CSMD1: variants seen among roughly 807,000 people sequenced by gnomAD.
The protein encoded by CSMD1 is CUB and sushi domain-containing protein 1.
Under a neutral mutation model 417.5 loss-of-function variants are expected in CSMD1, and 213 were observed. The observed-to-expected ratio is 0.51, with a 90% CI of 0.46 to 0.57. The LOEUF (loss-of-function observed/expected upper bound fraction) is 0.57. CSMD1 is among the 20% of genes least tolerant of loss of function. The pLI is 0.00. For missense variants in CSMD1, 6,923 were observed against 4,529.7 expected (o/e 1.53, Z -15.17); for synonymous variants, 2,862 against 1,736.8 (o/e 1.65, Z -16.11).
intron 3 of CSMD1, among the ~76,000 whole-genome samples, chr8:4,245,606 C>G (rs778985739): frequency 1.3e-5 from 2 of 152,160 alleles, no homozygotes; most frequent in Non-Finnish European, 2.9e-5. Context: ...ACAGGTTCCT[C>G]TGGTCAACAA....
chr8:3,870,380 C>T (rs1805399518), intron 5 of CSMD1, among the ~76,000 whole-genome samples: 1 of 152,060 alleles, frequency 6.6e-6, no homozygotes, highest in African/African-American at 2.4e-5. Flanking sequence ...ATGGATACCT[C>T]TTTTTTCCCC....
chr8:3,120,709 G>GA (rs1554431392), intron 41 of CSMD1, among the ~76,000 whole-genome samples: 2 of 150,462 alleles, frequency 1.3e-5, no homozygotes, highest in African/African-American at 2.4e-5. Flanking sequence ...TAGCCAGGGG[G>GA]GGTGACCGGC....
intron 4 of CSMD1, among the ~76,000 whole-genome samples, chr8:4,028,467 C>T (rs924054727): frequency 6.6e-6 from 1 of 151,638 alleles, no homozygotes; most frequent in Non-Finnish European, 1.5e-5. Context: ...ACAATAAACA[C>T]CAAGCAGATC....
chr8:4,173,374 G>A lies in CSMD1; in HGVS notation c.416-141275C>T, dbSNP rs575228363. ...TATGTGGTGATGCTGAACAGAAGAT[G>A]AGACAGAGGCATAAAGAGAAGTTTG... is the stretch of plus-strand genomic sequence containing the variant. On this transcript the variant is annotated intron_variant, in intron 3 of 69. Coordinates refer to ENST00000635120, the MANE Select transcript of CSMD1 (RefSeq NM_033225.6). Among the ~76,000 whole-genome samples, 8 of 152,260 alleles carry A rather than the reference G, an allele frequency of 5.3e-5. No individual in the cohort carries two copies. The South Asian group carries it at 1.4e-3, about 28-fold the overall frequency.
intron 3 of CSMD1, among the ~76,000 whole-genome samples, chr8:4,096,694 G>A (rs7816895): frequency 0.22 from 34,019 of 152,130 alleles, 4,728 homozygotes; most frequent in African/African-American, 0.39. Context: ...CTTTCCAAAA[G>A]CGTCACTCAC....
intron 1 of CSMD1, among the ~76,000 whole-genome samples, chr8:4,725,698 G>T (rs978543209): frequency 1.3e-5 from 2 of 152,158 alleles, no homozygotes; most frequent in Admixed American, 6.6e-5. Context: ...GCATCTTGAA[G>T]AAAATCCCCA....
intron 7 of CSMD1, among the ~76,000 whole-genome samples, chr8:3,644,843 C>A (rs962343411): frequency 1.3e-4 from 20 of 151,914 alleles, no homozygotes; most frequent in African/African-American, 4.4e-4. Context: ...GATGTGGTAA[C>A]CTTCGTTTCC....
intron 2 of CSMD1, among the ~76,000 whole-genome samples, chr8:4,531,583 G>T (rs1250632179): frequency 6.6e-6 from 1 of 152,132 alleles, no homozygotes; most frequent in Non-Finnish European, 1.5e-5. Flanking sequence ...GTAAAGTCCT[G>T]TATAAGTGTA....
At chr8:3,577,267 T>C (rs898008094) in intron 9 of CSMD1, among the ~76,000 whole-genome samples, 1 of 152,166 alleles carries the variant, frequency 6.6e-6, no homozygotes, top group Non-Finnish European at 1.5e-5. Flanking sequence ...GAAGTAACTT[T>C]TAATAAAATA....
At chr8:3,727,416 T>C (rs1433374880) in intron 6 of CSMD1, among the ~76,000 whole-genome samples, 1 of 152,170 alleles carries the variant, frequency 6.6e-6, no homozygotes, top group East Asian at 1.9e-4. Flanking sequence ...TCAGCTCAGA[T>C]GGGCTTTTCC....
In CSMD1 at chr8:4,880,718, T is replaced by G. The variant is rs562397067; in HGVS notation, c.85+113614A>C. ...TCTGCCCATCGCATAATCATAAATATCCCACGTGTCCATGATAAGATGAGT... is the reference window on the plus strand; with the variant it reads ...TCTGCCCATCGCATAATCATAAATAGCCCACGTGTCCATGATAAGATGAGT... On this transcript the variant is annotated intron_variant, in intron 1 of 69. Transcript: ENST00000635120. Among the ~76,000 whole-genome samples, 20 of 152,166 alleles carry G rather than the reference T, an allele frequency of 1.3e-4. No individual in the cohort carries two copies. The South Asian group carries it at 3.7e-3, about 28-fold the overall frequency.
intron 17 of CSMD1, among the ~76,000 whole-genome samples, chr8:3,393,201 C>G (rs1315817651): frequency 1.3e-5 from 2 of 152,132 alleles, no homozygotes; most frequent in Non-Finnish European, 2.9e-5. Flanking sequence ...TCACTATATG[C>G]AAGTCTAGAT....
intron 48 of CSMD1, 61 bp downstream of exon 48, chr8:3,091,455 T>C (rs994297630): frequency 1.6e-5 from 20 of 1,276,040 alleles, no homozygotes; most frequent in Non-Finnish European, 2.1e-5. Context: ...AATTGTTTTA[T>C]TCAATGAAAA....
At chr8:4,417,881 T>C (rs1797033782) in intron 3 of CSMD1, among the ~76,000 whole-genome samples, 1 of 152,072 alleles carries the variant, frequency 6.6e-6, no homozygotes, top group Non-Finnish European at 1.5e-5. Flanking sequence ...CCTTGGAAAG[T>C]AATAGTTGTC....
chr8:3,265,464 A>T (rs1382540627), intron 26 of CSMD1, among the ~76,000 whole-genome samples: 1 of 152,192 alleles, frequency 6.6e-6, no homozygotes, highest in Non-Finnish European at 1.5e-5. Flanking sequence ...CGTTTCCTAA[A>T]CAGAGTGGTG....
At chr8:4,251,707 A>T (rs1803089157) in intron 3 of CSMD1, among the ~76,000 whole-genome samples, 1 of 152,112 alleles carries the variant, frequency 6.6e-6, no homozygotes, top group Non-Finnish European at 1.5e-5. Context: ...AGTTAAATGT[A>T]TGTGTACCTA....
intron 29 of CSMD1, among the ~76,000 whole-genome samples, 161 bp from the exon 30 acceptor site, chr8:3,214,852 C>T (rs920702079): frequency 2.0e-5 from 3 of 152,092 alleles, no homozygotes; most frequent in African/African-American, 7.2e-5. Context: ...TGGCTATTGA[C>T]CAAGTGAAAC....
intron 2 of CSMD1, among the ~76,000 whole-genome samples, chr8:4,505,942 G>A (rs1015533474): frequency 1.3e-5 from 2 of 151,976 alleles, no homozygotes; most frequent in African/African-American, 2.4e-5. Flanking sequence ...GGGATTACAG[G>A]TGCATGTCAC....
chr8:4,829,892 C>T (rs1304100987), intron 1 of CSMD1, among the ~76,000 whole-genome samples: 1 of 152,122 alleles, frequency 6.6e-6, no homozygotes, highest in Non-Finnish European at 1.5e-5. Flanking sequence ...TGAATGAGTC[C>T]TTATAGGTAA....
Sources: gnomAD v4.1 joint callset for allele counts (sites outside exome capture counted in the v4.1 genomes callset) on GRCh38, gnomAD v4.1.1 for gene constraint, MANE v1.5 for transcripts, NCBI Gene and HGNC (gene_info 2026-07-23, HGNC 2026-07-21) for gene names.